The following ATP5F1D variants were observed in gnomAD, a reference collection of about 807,000 sequenced individuals.
ATP5F1D encodes the protein ATP synthase F(1) complex subunit delta, mitochondrial.
In ATP5F1D, 16 loss-of-function variants were observed where a neutral mutation model predicts 13.0. That is an observed-to-expected ratio of 1.23 (90% CI 0.83 to 1.87). ATP5F1D has a LOEUF of 1.87. Among genes scored for constraint, ATP5F1D ranks in the 40% most tolerant of loss-of-function variants. The pLI, the probability that ATP5F1D is intolerant of heterozygous loss-of-function variation, is 0.00. For synonymous variants in ATP5F1D, 129 were observed against 116.2 expected, an observed-to-expected ratio of 1.11 and a Z score of -0.71; for missense variants, 294 against 246.2, an observed-to-expected ratio of 1.19 and a Z score of -1.30.
intron 1 of ATP5F1D, 64 bp downstream of exon 1, chr19:1,242,055 C>A: frequency 1.1e-5 from 14 of 1,309,962 alleles, no homozygotes; most frequent in Non-Finnish European, 1.4e-5. Flanking sequence ...GTCCCCACCC[C>A]CAGGGCGCGA....
In ATP5F1D at chr19:1,244,744, CG is replaced by C; in HGVS notation, c.*308del. 1 of 330,182 alleles carries C rather than the reference CG, an allele frequency of 3.0e-6. No individual in the cohort carries two copies. Among genetic ancestry groups the C allele is most frequent in the Non-Finnish European group, 5.6e-6 (1 of 178,734 alleles). 20.5% of individuals were successfully genotyped at this position (330,182 alleles called of 1,614,324 possible). A position where few individuals can be genotyped will look rare whatever the true frequency, so the allele number is the denominator to read the frequency against. On this transcript the variant is annotated 3_prime_UTR_variant, in exon 4 of 4. Coordinates refer to ENST00000215375, the MANE Select transcript of ATP5F1D (RefSeq NM_001687.5). The stretch of plus-strand genomic sequence containing the variant: ...ATCCCCTCTGCCCTGCAGAGCCAGC[CG>C]CCAAGGTTGACCTCAGCTTCGGAGC...
At chr19:1,243,446 C>G (rs2081047515) in intron 2 of ATP5F1D, 1 of 151,892 alleles carries the variant, frequency 6.6e-6, no homozygotes, top group Non-Finnish European at 1.5e-5. Context: ...GGGAGGGTCT[C>G]TTGAGCCCAG....
In ATP5F1D at chr19:1,244,444, C is replaced by T. The variant is rs780505538; in HGVS notation, c.*7C>T. 267 of 1,551,270 alleles carry T rather than the reference C, an allele frequency of 1.7e-4. No individual in the cohort carries two copies. Among genetic ancestry groups the T allele is most frequent in the Admixed American group, 6.6e-4 (34 of 51,202 alleles). ...GGTGAAGGCCCTGGAGTAGGCGGTG[C>T]GTACCCGGTGTCCCGAGGCCCGGCC... On this transcript the variant is annotated 3_prime_UTR_variant, in exon 4 of 4. Coordinates refer to ENST00000215375, the MANE Select transcript of ATP5F1D (RefSeq NM_001687.5).
rs1316883635 is a variant in ATP5F1D, at chr19:1,242,555, C to T, written c.241C>T (p.Arg81Trp). Reference sequence around the variant, plus strand: ...CCACGTGCCCACGCTGCAGGTCCTGCGGCCGGGGCTGGTCGTGGTGCATGC... The same window carrying T: ...CCACGTGCCCACGCTGCAGGTCCTGTGGCCGGGGCTGGTCGTGGTGCATGC... ...AAHVPTLQVLRPGLVVVHAED... is the reference protein window; with the variant it reads ...AAHVPTLQVLWPGLVVVHAED... Residue 81 changes from arginine to tryptophan, a missense_variant, in exon 2 of 4, where the codon CGG (arginine) becomes TGG (tryptophan). Arg to Trp is a moderately radical substitution (Grantham distance 101). Transcript: ENST00000215375. 7 of 1,545,962 alleles carry T rather than the reference C, an allele frequency of 4.5e-6. No homozygotes were observed. The South Asian group carries it at 4.8e-5, about 11-fold the overall frequency.
Position 1,241,973 on chromosome 19 carries a change from C to A in ATP5F1D, c.123C>A (p.Thr41=). The part of the protein sequence containing the change: ...AASGPNQMSF[T]FASPTQVFFN... ...CTGGCCCCAACCAGATGTCCTTCAC[C>A]TTCGCCTCTCCCACGCAGGTTCGGG... Residue 41 remains threonine, a synonymous_variant, in exon 1 of 4, where the codon ACC becomes ACA. Coordinates refer to ENST00000215375, the MANE Select transcript of ATP5F1D (RefSeq NM_001687.5). 1 of 1,472,094 alleles carries A rather than the reference C, an allele frequency of 6.8e-7. No homozygotes were observed. The allele number at this position is 1,472,094 out of a possible 1,614,324, so 91.2% of individuals were successfully genotyped here. A position where few individuals can be genotyped will look rare whatever the true frequency, so the allele number is the denominator to read the frequency against.
chr19:1,242,077 G>C, intron 1 of ATP5F1D, 86 bp downstream of exon 1: 1 of 1,268,718 alleles, frequency 7.9e-7, no homozygotes, highest in Non-Finnish European at 9.9e-7. Context: ...CCCCGCTTCC[G>C]GGCCCCCGGA....
At chr19:1,242,025 C>T in intron 1 of ATP5F1D, 34 bp downstream of exon 1, 2 of 1,367,942 alleles carry the variant, frequency 1.5e-6, no homozygotes, top group Non-Finnish European at 1.9e-6. Context: ...CCTCCGTGGC[C>T]GCCGCCCCCG....
chr19:1,242,120 C>G, intron 1 of ATP5F1D, 129 bp downstream of exon 1: 1 of 1,175,334 alleles, frequency 8.5e-7, no homozygotes, highest in Non-Finnish European at 1.1e-6. Context: ...GCTACTCAGC[C>G]CTGGACCCTC....
At chr19:1,242,178 C>A in intron 1 of ATP5F1D, 187 bp downstream of exon 1, 1 of 887,542 alleles carries the variant, frequency 1.1e-6, no homozygotes, top group Non-Finnish European at 1.5e-6. Flanking sequence ...GTCCCGGGCA[C>A]CTCCCCGAGA....
Position 1,241,922 on chromosome 19 carries a change from GGCC to G in ATP5F1D, c.82_84del (p.Ala28del). 11 of 1,495,170 alleles carry G rather than the reference GGCC, an allele frequency of 7.4e-6. No individual in the cohort carries two copies. The highest frequency in any genetic ancestry group is 5.1e-5 in the South Asian group (4 of 78,306). The allele number at this position is 1,495,170 out of a possible 1,614,324, so 92.6% of individuals were successfully genotyped here. A position where few individuals can be genotyped will look rare whatever the true frequency, so the allele number is the denominator to read the frequency against. ...TCCGCCACGCCCGTGCCTATGCCGA[GGCC>G]GCCGCCGCCCCGGCTGCCGCCTCTG... On this transcript the variant is annotated inframe_deletion, in exon 1 of 4. Coordinates refer to ENST00000215375, the MANE Select transcript of ATP5F1D (RefSeq NM_001687.5).
chr19:1,243,969 C>G, intron 2 of ATP5F1D, 128 bp from the exon 3 acceptor site: 3 of 982,178 alleles, frequency 3.1e-6, no homozygotes, highest in Non-Finnish European at 4.6e-6. Context: ...TGTTTGCACA[C>G]TCAGGACACA....
Position 1,244,397 on chromosome 19 carries a change from G to T in ATP5F1D, c.467G>T (p.Arg156Leu). 1 of 1,569,048 alleles carries T rather than the reference G, an allele frequency of 6.4e-7. No homozygotes were observed. Among genetic ancestry groups the T allele is most frequent in the East Asian group, 2.3e-5 (1 of 42,836 alleles). ...DEATRAEIQIRIEANEALVKA... is the reference protein window; with the variant it reads ...DEATRAEIQILIEANEALVKA... The stretch of plus-strand genomic sequence containing the variant: ...GCCACGCGGGCAGAGATCCAGATCC[G>T]AATCGAGGCCAACGAGGCCCTGGTG... The change falls in exon 4 of 4, where the codon CGA becomes CTA. Residue 156 changes from arginine to leucine, a missense_variant. By Grantham distance (102) the Arg-to-Leu change is moderately radical. Transcript: ENST00000215375.
intron 2 of ATP5F1D, 191 bp downstream of exon 2, chr19:1,242,800 G>C: frequency 1.7e-6 from 1 of 603,756 alleles, no homozygotes; most frequent in South Asian, 3.9e-5. Context: ...AGACCAGCCT[G>C]GCCAACATGA....
Position 1,244,311 on chromosome 19 carries a change from G to C in ATP5F1D, c.385-4G>C. Reference sequence around the variant, plus strand: ...GCCCCTCACCGCCCCTCAACCCCTTGCAGGCAGCCAAGGCAAACTTGGAGA... The same window carrying C: ...GCCCCTCACCGCCCCTCAACCCCTTCCAGGCAGCCAAGGCAAACTTGGAGA... On this transcript the variant is annotated splice_region_variant and splice_polypyrimidine_tract_variant and intron_variant, in intron 3 of 3. Transcript: ENST00000215375. The C allele has an allele frequency of 1.3e-6, 2 of 1,593,070 alleles. No individual in the cohort carries two copies. The highest frequency in any genetic ancestry group is 1.7e-6 in the Non-Finnish European group (2 of 1,170,380).
At position 1,242,146 on chromosome 19, in the gene ATP5F1D, G is replaced by T. The variant is rs115831158; in HGVS notation, c.141+155G>T. 1,583 of 1,045,154 alleles carry T rather than the reference G, an allele frequency of 1.5e-3. 17 individuals are homozygous for T. In the African/African-American group the frequency reaches 0.024, roughly 16 times the overall value. 64.7% of individuals were successfully genotyped at this position (1,045,154 alleles called of 1,614,324 possible). ...CTGGACCCTCGGCCCTGCCTCTGCTGCCCGAGCCCTGCGCTGCCCTCGTCC... is the reference window on the plus strand; with the variant it reads ...CTGGACCCTCGGCCCTGCCTCTGCTTCCCGAGCCCTGCGCTGCCCTCGTCC... On this transcript the variant is annotated intron_variant, in intron 1 of 3. Coordinates refer to ENST00000215375, the MANE Select transcript of ATP5F1D (RefSeq NM_001687.5).
In ATP5F1D at chr19:1,244,333, G is replaced by A. The variant is rs376783286; in HGVS notation, c.403G>A (p.Glu135Lys). The A allele has an allele frequency of 3.8e-6, 6 of 1,593,526 alleles. No homozygotes were observed. In the Admixed American group the frequency reaches 7.1e-5, roughly 19 times the overall value. The change falls in exon 4 of 4, where the codon GAG becomes AAG. Residue 135 changes from glutamate (E) to lysine (K), a missense_variant. Coordinates refer to ENST00000215375, the MANE Select transcript of ATP5F1D (RefSeq NM_001687.5). ...CTTGCAGGCAGCCAAGGCAAACTTG[G>A]AGAAGGCCCAGGCGGAGCTGGTGGG... Reference protein sequence around the residue: ...LDLGAAKANLEKAQAELVGTA... With the variant: ...LDLGAAKANLKKAQAELVGTA...
Position 1,244,603 on chromosome 19 carries a change from T to A in ATP5F1D, c.*166T>A. 1 of 1,138,652 alleles carries A rather than the reference T, an allele frequency of 8.8e-7. No homozygotes were observed. Among genetic ancestry groups the A allele is most frequent in the South Asian group, 1.6e-5 (1 of 61,082 alleles). 70.5% of individuals were successfully genotyped at this position (1,138,652 alleles called of 1,614,324 possible). A position where few individuals can be genotyped will look rare whatever the true frequency, so the allele number is the denominator to read the frequency against. ...CCTGGGCCCCAGGCCCTGCCTGTGTTGAAAGCTCTGGGGACTGGGCCAGGG... is the reference window on the plus strand; with the variant it reads ...CCTGGGCCCCAGGCCCTGCCTGTGTAGAAAGCTCTGGGGACTGGGCCAGGG... On this transcript the variant is annotated 3_prime_UTR_variant, in exon 4 of 4. Coordinates refer to ENST00000215375, the MANE Select transcript of ATP5F1D (RefSeq NM_001687.5).
In ATP5F1D at chr19:1,244,468, CCAGGGGCTGGG is replaced by C; in HGVS notation, c.*37_*47del. The C allele has an allele frequency of 6.5e-7, 1 of 1,541,948 alleles. No homozygotes were observed. The highest frequency in any genetic ancestry group is 8.8e-7 in the Non-Finnish European group (1 of 1,141,544). Reference sequence around the variant, plus strand: ...GCGTACCCGGTGTCCCGAGGCCCGGCCAGGGGCTGGGCAGGGATGCCAGGTGGGCCCAGCCA... The same window carrying C: ...GCGTACCCGGTGTCCCGAGGCCCGGCCAGGGATGCCAGGTGGGCCCAGCCA... On this transcript the variant is annotated 3_prime_UTR_variant, in exon 4 of 4. Transcript: ENST00000215375.
Position 1,244,083 on chromosome 19 carries a change from C to T in ATP5F1D, c.296-14C>T, listed in dbSNP as rs762372049. ...TTTGGGGTCTCACGCCTTCCCCCCG[C>T]CCCATTCCCCCAGTGAGCAGCGGTT... is the stretch of plus-strand genomic sequence containing the variant. On this transcript the variant is annotated splice_polypyrimidine_tract_variant and intron_variant, in intron 2 of 3. Transcript: ENST00000215375. 2 of 1,605,042 alleles carry T rather than the reference C, an allele frequency of 1.2e-6. No individual in the cohort carries two copies. Among genetic ancestry groups the T allele is most frequent in the South Asian group, 2.2e-5 (2 of 89,618 alleles).
Sources: allele counts gnomAD v4.1 joint callset, GRCh38; gene constraint gnomAD v4.1.1; transcripts MANE v1.5; gene names NCBI Gene and HGNC (gene_info 2026-07-23, HGNC 2026-07-21).